DGLUCY: variants seen among roughly 807,000 people sequenced by gnomAD.
DGLUCY encodes D-glutamate cyclase, also known as D-glutamate cyclase, mitochondrial.
A neutral mutation model predicts 58.5 loss-of-function variants in DGLUCY; 58 were observed. The observed-to-expected ratio is 0.99, with a 90% confidence interval of 0.80 to 1.23. The LOEUF (loss-of-function observed/expected upper bound fraction) is 1.23. Ranked by LOEUF, DGLUCY falls within the 50% of genes most tolerant of loss-of-function variation. The pLI is 0.00. For synonymous variants in DGLUCY, 325 were observed against 314.1 expected (o/e 1.03, Z -0.37); for missense variants, 779 against 784.7 (o/e 0.99, Z 0.09).
At chr14:91,214,071 C>T (rs1886142469) in intron 12 of DGLUCY, among the ~76,000 whole-genome samples, 1 of 151,338 alleles carries the variant, frequency 6.6e-6, no homozygotes, top group African/African-American at 2.4e-5. Context: ...GCTCCCATTC[C>T]TCCACCCCTC....
At chr14:91,083,023 G>T (rs537972229) in intron 1 of DGLUCY, among the ~76,000 whole-genome samples, 1 of 152,146 alleles carries the variant, frequency 6.6e-6, no homozygotes, top group Admixed American at 6.5e-5. Flanking sequence ...CTCCAAAAAG[G>T]CTGAGGTTAC....
At chr14:91,176,502 G>A (rs977209571) in intron 7 of DGLUCY, among the ~76,000 whole-genome samples, 1 of 152,130 alleles carries the variant, frequency 6.6e-6, no homozygotes, top group Admixed American at 6.5e-5. Context: ...GGGATTACAG[G>A]CGTGAGTCAT....
intron 1 of DGLUCY, among the ~76,000 whole-genome samples, chr14:91,064,616 C>T (rs534459600): frequency 3.9e-4 from 49 of 126,010 alleles, no homozygotes; most frequent in African/African-American, 1.4e-3. Context: ...CAGTCAGACT[C>T]TGTCTCAAAA....
At chr14:91,149,569 T>G (rs1280070496) in intron 1 of DGLUCY, among the ~76,000 whole-genome samples, 1 of 152,230 alleles carries the variant, frequency 6.6e-6, no homozygotes, top group Non-Finnish European at 1.5e-5. Flanking sequence ...TGACTCAGCG[T>G]TTACTGTTGG....
At position 91,182,694 on chromosome 14, in the gene DGLUCY, A is replaced by C. The variant is rs115525501; in HGVS notation, c.934+1305A>C. Among the ~76,000 whole-genome samples, 751 of 152,274 alleles carry C rather than the reference A, an allele frequency of 4.9e-3. 5 individuals carry two copies. Among genetic ancestry groups the C allele is most frequent in the African/African-American group, 0.017 (705 of 41,558 alleles). On this transcript the variant is annotated intron_variant, in intron 8 of 13. Transcript: ENST00000256324. ...TAGTTGTATACTGGATAGCAGGGAT[A>C]GTGATGGGGTAGGATTACTTCTCCG... is the stretch of plus-strand genomic sequence containing the variant.
At chr14:91,123,739 G>A (rs895903304) in intron 1 of DGLUCY, among the ~76,000 whole-genome samples, 4 of 151,910 alleles carry the variant, frequency 2.6e-5, no homozygotes, top group Admixed American at 6.6e-5. Context: ...GGTGTGCACC[G>A]CCACAGCCAG....
rs1197798867 is a variant in DGLUCY, at chr14:91,183,310, T to G, written c.934+1921T>G. 2.0e-5 allele frequency among the ~76,000 whole-genome samples: 3 copies of G among 152,254 alleles called. No homozygotes were observed. The East Asian group carries it at 5.8e-4, about 29-fold the overall frequency. On this transcript the variant is annotated intron_variant, in intron 8 of 13. Coordinates refer to ENST00000256324, the MANE Select transcript of DGLUCY (RefSeq NM_001102368.3). ...CATGCCTGGCCCTGCTGATTCCAATTAGAAAGAGGTTTGCTAAAAGCTGGT... is the reference window on the plus strand; with the variant it reads ...CATGCCTGGCCCTGCTGATTCCAATGAGAAAGAGGTTTGCTAAAAGCTGGT...
chr14:91,207,667 C>CA (rs1224475268), intron 12 of DGLUCY, among the ~76,000 whole-genome samples: 1 of 152,168 alleles, frequency 6.6e-6, no homozygotes, highest in African/African-American at 2.4e-5. Context: ...TATACAGGAA[C>CA]AAAGGTAAAA....
At chr14:91,183,367 A>G (rs2049299978) in intron 8 of DGLUCY, among the ~76,000 whole-genome samples, 1 of 152,198 alleles carries the variant, frequency 6.6e-6, no homozygotes, top group South Asian at 2.1e-4. Flanking sequence ...CTATGTCTTC[A>G]TTTAAGGGCT....
At chr14:91,182,124 G>A (rs539147572) in intron 8 of DGLUCY, among the ~76,000 whole-genome samples, 2 of 152,034 alleles carry the variant, frequency 1.3e-5, no homozygotes, top group South Asian at 2.1e-4. Context: ...AGGACTATAG[G>A]CATGTGCCAC....
At chr14:91,151,900 G>A (rs563927157) in intron 1 of DGLUCY, among the ~76,000 whole-genome samples, 1 of 151,800 alleles carries the variant, frequency 6.6e-6, no homozygotes, top group South Asian at 2.1e-4. Flanking sequence ...GCCTCCCAAA[G>A]TGCTGGGATT....
chr14:91,111,912 A>G (rs1400400419), upstream of DGLUCY, among the ~76,000 whole-genome samples: 2 of 152,186 alleles, frequency 1.3e-5, no homozygotes, highest in East Asian at 3.9e-4. Flanking sequence ...TGATAGACAC[A>G]ATTTGTTTCC....
intron 6 of DGLUCY, among the ~76,000 whole-genome samples, chr14:91,174,498 G>T (rs1002076178): frequency 6.6e-6 from 1 of 152,022 alleles, no homozygotes; most frequent in Non-Finnish European, 1.5e-5. Flanking sequence ...TAGAGATGGG[G>T]TTTTGCCATG....
chr14:91,215,689 T>G, intron 13 of DGLUCY, 133 bp downstream of exon 13: 1 of 1,570,924 alleles, frequency 6.4e-7, no homozygotes. Flanking sequence ...GAGCCAGCCT[T>G]GAAGCAGAGG....
intron 1 of DGLUCY, among the ~76,000 whole-genome samples, chr14:91,151,676 A>G (rs1408104972): frequency 3.1e-5 from 4 of 128,462 alleles, no homozygotes; most frequent in South Asian, 4.7e-4. Flanking sequence ...TTTTTTTGAG[A>G]TGCAGTCTTG....
At position 91,174,105 on chromosome 14, in the gene DGLUCY, A is replaced by G. The variant is rs142947025; in HGVS notation, c.607+666A>G. Among the ~76,000 whole-genome samples, 735 of 152,094 alleles carry G rather than the reference A, an allele frequency of 4.8e-3. 7 individuals are homozygous for G. Among genetic ancestry groups the G allele is most frequent in the African/African-American group, 0.017 (690 of 41,520 alleles). ...TTACCCACGGCTGATGGTTTAATCA[A>G]TCATGCTCATGTAATGAAGCCTCCG... On this transcript the variant is annotated intron_variant, in intron 6 of 13. Coordinates refer to ENST00000256324, the MANE Select transcript of DGLUCY (RefSeq NM_001102368.3).
chr14:91,118,744 T>C (rs2045160610), intron 1 of DGLUCY, among the ~76,000 whole-genome samples: 1 of 152,200 alleles, frequency 6.6e-6, no homozygotes, highest in African/African-American at 2.4e-5. Context: ...TTCTTTGGAA[T>C]GCCCTTGGCT....
chr14:91,110,430 CTTTTT>C (rs10711938), upstream of DGLUCY, among the ~76,000 whole-genome samples: 3 of 88,086 alleles, frequency 3.4e-5, no homozygotes, highest in Admixed American at 1.3e-4. Flanking sequence ...TTCTTTCTTT[CTTTTT>C]TTTTTTTTTT....
At position 91,169,636 on chromosome 14, in the gene DGLUCY, C is replaced by T. The variant is rs866031712; in HGVS notation, c.258-367C>T. ...TGTTGCCCAGGCTTGTCTTGAACTCCGGAGTTCAAGTGATCTGCCCGCCTC... is the reference window on the plus strand; with the variant it reads ...TGTTGCCCAGGCTTGTCTTGAACTCTGGAGTTCAAGTGATCTGCCCGCCTC... On this transcript the variant is annotated intron_variant, in intron 4 of 13. Transcript: ENST00000256324. 1.4e-4 allele frequency among the ~76,000 whole-genome samples: 21 copies of T among 151,692 alleles called. No individual in the cohort carries two copies. The Middle Eastern group carries it at 0.014, about 98-fold the overall frequency.
Sources: allele counts gnomAD v4.1 joint callset (sites outside exome capture counted in the v4.1 genomes callset), GRCh38; gene constraint gnomAD v4.1.1; transcripts MANE v1.5; gene names NCBI Gene and HGNC (gene_info 2026-07-23, HGNC 2026-07-21).